YEATS4: variants seen among roughly 807,000 people sequenced by gnomAD.
YEATS4 encodes the protein YEATS domain containing 4.
In YEATS4, 17 loss-of-function variants were observed where a neutral mutation model predicts 30.1. The observed-to-expected ratio is 0.56, with a 90% CI of 0.39 to 0.85. The LOEUF (loss-of-function observed/expected upper bound fraction) is 0.85. Among genes scored for constraint, YEATS4 ranks in the 40% least tolerant of loss-of-function variants. The pLI is 0.00. For missense variants in YEATS4, 142 were observed against 268.3 expected (o/e 0.53, Z 3.29); for synonymous variants, 85 against 87.5 (o/e 0.97, Z 0.16).
chr12:69,363,335 T>C (rs868856876), intron 2 of YEATS4, among the ~76,000 whole-genome samples: 1 of 152,142 alleles, frequency 6.6e-6, no homozygotes, highest in Non-Finnish European at 1.5e-5. Context: ...ATTATAAAAT[T>C]GGTCCGTTGT....
At chr12:69,379,970 T>G (rs1249799242) in intron 6 of YEATS4, among the ~76,000 whole-genome samples, 2 of 152,208 alleles carry the variant, frequency 1.3e-5, no homozygotes, top group African/African-American at 2.4e-5. Context: ...TTTATTAAAT[T>G]TATGTGATAG....
intron 6 of YEATS4, among the ~76,000 whole-genome samples, chr12:69,377,357 A>G (rs1875909131): frequency 6.6e-6 from 1 of 152,026 alleles, no homozygotes; most frequent in African/African-American, 2.4e-5. Context: ...TGTTTCCATT[A>G]TCTGTTTCAA....
Position 69,390,429 on chromosome 12 carries a change from G to C in YEATS4, c.*113G>C. ...GTTTCTTAGAGGAACTTCATATACA[G>C]CTGTTGACCATGAATTTCTTAGCAA... is the stretch of plus-strand genomic sequence containing the variant. On this transcript the variant is annotated 3_prime_UTR_variant, in exon 7 of 7. Coordinates refer to ENST00000247843, the MANE Select transcript of YEATS4 (RefSeq NM_006530.4). The C allele has an allele frequency of 1.1e-6, 1 of 932,190 alleles. No individual in the cohort carries two copies. 57.7% of individuals were successfully genotyped at this position (932,190 alleles called of 1,614,324 possible).
At chr12:69,360,856 G>T (rs762274105) in intron 1 of YEATS4, among the ~76,000 whole-genome samples, 11 of 151,430 alleles carry the variant, frequency 7.3e-5, no homozygotes, top group Non-Finnish European at 1.5e-4. Flanking sequence ...AATCAGAAGG[G>T]GTACAAATAG....
chr12:69,389,901 A>G (rs1868297076), intron 6 of YEATS4, among the ~76,000 whole-genome samples: 1 of 152,092 alleles, frequency 6.6e-6, no homozygotes, highest in Non-Finnish European at 1.5e-5. Flanking sequence ...TATGTCTTAA[A>G]ATTTTAACTG....
chr12:69,393,715 A>G (rs1868332207), downstream of YEATS4, among the ~76,000 whole-genome samples: 1 of 152,156 alleles, frequency 6.6e-6, no homozygotes, highest in African/African-American at 2.4e-5. Flanking sequence ...AGGGGATGGT[A>G]GGGGGAGTAG....
chr12:69,410,268 G>A, the YEATS4 span, among the ~76,000 whole-genome samples: 1 of 152,128 alleles, frequency 6.6e-6, no homozygotes, highest in Non-Finnish European at 1.5e-5. Flanking sequence ...CCCACTTTCA[G>A]CTCCAGGCAA....
chr12:69,393,854 A>T (rs555229084), downstream of YEATS4, among the ~76,000 whole-genome samples: 4 of 152,232 alleles, frequency 2.6e-5, no homozygotes, highest in South Asian at 6.2e-4. Context: ...TAATAATGTC[A>T]GAGAAAATCA....
the YEATS4 span, among the ~76,000 whole-genome samples, chr12:69,424,253 A>G: frequency 1.3e-5 from 2 of 152,188 alleles, no homozygotes; most frequent in Admixed American, 1.3e-4. Context: ...ACAATGCCTT[A>G]TATGTGGCCA....
the YEATS4 span, among the ~76,000 whole-genome samples, chr12:69,398,380 A>T: frequency 6.6e-6 from 1 of 152,220 alleles, no homozygotes; most frequent in East Asian, 1.9e-4. Context: ...GAACGATTAT[A>T]TACAAAAATC....
downstream of YEATS4, chr12:69,390,873 G>GA (rs1868309632): frequency 6.6e-6 from 1 of 152,166 alleles, no homozygotes; most frequent in South Asian, 2.1e-4. Context: ...TATCTTTATA[G>GA]TATTGTGACA....
intron 6 of YEATS4, among the ~76,000 whole-genome samples, chr12:69,376,336 A>G (rs1321888063): frequency 6.6e-6 from 1 of 152,256 alleles, no homozygotes; most frequent in Non-Finnish European, 1.5e-5. Context: ...ACTGCACTCC[A>G]GCCTAGGCAA....
At position 69,382,395 on chromosome 12, in the gene YEATS4, G is replaced by A. The variant is rs12300545; in HGVS notation, c.515-7752G>A. Among the ~76,000 whole-genome samples, 895 of 152,296 alleles carry A rather than the reference G, an allele frequency of 5.9e-3. 4 individuals carry two copies. Among genetic ancestry groups the A allele is most frequent in the Middle Eastern group, 0.024 (7 of 294 alleles). On this transcript the variant is annotated intron_variant, in intron 6 of 6. Coordinates refer to ENST00000247843, the MANE Select transcript of YEATS4 (RefSeq NM_006530.4). ...TGCTCTGTTTTACTGTGGCTGAGCT[G>A]GCACCCAAGCTACAAGACAGCATCC...
intron 6 of YEATS4, among the ~76,000 whole-genome samples, chr12:69,377,662 T>C (rs1480559968): frequency 1.3e-5 from 2 of 152,214 alleles, no homozygotes; most frequent in African/African-American, 2.4e-5. Flanking sequence ...CCTCTTGTTA[T>C]TGATTTCTAA....
chr12:69,418,527 T>A, the YEATS4 span, among the ~76,000 whole-genome samples: 1 of 152,206 alleles, frequency 6.6e-6, no homozygotes, highest in Admixed American at 6.5e-5. Context: ...CTTTGTTAAA[T>A]GTCTGTGATA....
At chr12:69,407,219 G>A in the YEATS4 span, among the ~76,000 whole-genome samples, 4 of 150,740 alleles carry the variant, frequency 2.7e-5, no homozygotes, top group African/African-American at 9.8e-5. Flanking sequence ...GCCATGAATA[G>A]CTAGGAATTC....
intron 6 of YEATS4, among the ~76,000 whole-genome samples, chr12:69,374,911 G>A: frequency 6.6e-6 from 1 of 152,102 alleles, no homozygotes; most frequent in East Asian, 1.9e-4. Flanking sequence ...CCCAGACGGG[G>A]TGGCGGCCGG....
chr12:69,368,141 A>G (rs1303319014), intron 4 of YEATS4, among the ~76,000 whole-genome samples: 1 of 152,206 alleles, frequency 6.6e-6, no homozygotes, highest in Non-Finnish European at 1.5e-5. Context: ...TTATTAAACT[A>G]TTGTACTTTT....
the YEATS4 span, among the ~76,000 whole-genome samples, chr12:69,396,526 A>G: frequency 0.015 from 2,354 of 152,302 alleles, 26 homozygotes; most frequent in Non-Finnish European, 0.026. Context: ...TTATAGTCCA[A>G]TCCCTATTAT....
Sources: allele counts gnomAD v4.1 joint callset (sites outside exome capture counted in the v4.1 genomes callset), GRCh38; gene constraint gnomAD v4.1.1; transcripts MANE v1.5; gene names NCBI Gene and HGNC (gene_info 2026-07-23, HGNC 2026-07-21).